The following ACOXL variants were observed in gnomAD, a reference collection of about 807,000 sequenced individuals.
ACOXL encodes the protein acyl-CoA oxidase like.
Under a neutral mutation model 71.9 loss-of-function variants are expected in ACOXL, and 70 were observed. The ratio of observed to expected loss-of-function variants is 0.97; its 90% CI spans 0.80 to 1.19. ACOXL has a LOEUF of 1.19. Among genes scored for constraint, ACOXL ranks in the 50% most tolerant of loss-of-function variants. ACOXL has a pLI of 0.00. For missense variants in ACOXL, 703 were observed against 736.3 expected, an observed-to-expected ratio of 0.95 and a Z score of 0.52; for synonymous variants, 253 against 281.6, an observed-to-expected ratio of 0.90 and a Z score of 1.02.
intron 10 of ACOXL, among the ~76,000 whole-genome samples, chr2:110,893,641 T>C (rs1202706268): frequency 6.6e-6 from 1 of 152,188 alleles, no homozygotes; most frequent in Non-Finnish European, 1.5e-5. Flanking sequence ...AAATTATGCC[T>C]TCAAGTATAG....
chr2:110,850,496 A>G (rs1692472995), intron 10 of ACOXL, among the ~76,000 whole-genome samples: 1 of 152,246 alleles, frequency 6.6e-6, no homozygotes, highest in Non-Finnish European at 1.5e-5. Context: ...GATGGCAAAT[A>G]AGACCATGAA....
chr2:111,057,569 A>G (rs1021345112), intron 16 of ACOXL, among the ~76,000 whole-genome samples: 1 of 152,048 alleles, frequency 6.6e-6, no homozygotes, highest in African/African-American at 2.4e-5. Context: ...CCAGGAGTAG[A>G]GAGGGAGAGG....
intron 10 of ACOXL, among the ~76,000 whole-genome samples, chr2:110,859,056 A>C (rs538062258): frequency 2.6e-4 from 39 of 152,366 alleles, no homozygotes; most frequent in African/African-American, 9.4e-4. Context: ...AAGTTGAATC[A>C]GTTATAGCTC....
At chr2:110,832,140 C>T (rs1180910513) in intron 9 of ACOXL, among the ~76,000 whole-genome samples, 2 of 152,124 alleles carry the variant, frequency 1.3e-5, no homozygotes, top group Non-Finnish European at 2.9e-5. Context: ...TGGACTTACC[C>T]TGGGTGACAG....
chr2:110,840,249 T>C (rs755235225), intron 9 of ACOXL, among the ~76,000 whole-genome samples: 4 of 152,192 alleles, frequency 2.6e-5, no homozygotes, highest in Non-Finnish European at 4.4e-5. Flanking sequence ...GAAACTTACA[T>C]AGGCATGTTT....
intron 9 of ACOXL, among the ~76,000 whole-genome samples, chr2:110,825,810 G>T (rs1689099509): frequency 6.6e-6 from 1 of 152,140 alleles, no homozygotes; most frequent in Non-Finnish European, 1.5e-5. Flanking sequence ...CCACAGTGGA[G>T]ATTTTTCTTG....
chr2:111,044,522 C>T (rs1356378466), intron 15 of ACOXL, among the ~76,000 whole-genome samples: 1 of 152,202 alleles, frequency 6.6e-6, no homozygotes, highest in East Asian at 1.9e-4. Flanking sequence ...AAAGAACATT[C>T]TGAGACGGGA....
chr2:110,830,779 C>A (rs545155399), intron 9 of ACOXL, among the ~76,000 whole-genome samples: 1 of 152,092 alleles, frequency 6.6e-6, no homozygotes, highest in African/African-American at 2.4e-5. Context: ...GTGATCCCCC[C>A]ACCTCGGCCT....
At chr2:110,832,615 A>G (rs754967052) in intron 9 of ACOXL, among the ~76,000 whole-genome samples, 2 of 152,166 alleles carry the variant, frequency 1.3e-5, no homozygotes, top group South Asian at 4.1e-4. Flanking sequence ...CCCTCTGTGA[A>G]TACCTTGTTA....
At chr2:110,952,185 GTTC>G (rs2061354295) in intron 12 of ACOXL, among the ~76,000 whole-genome samples, 1 of 152,048 alleles carries the variant, frequency 6.6e-6, no homozygotes, top group African/African-American at 2.4e-5. Context: ...CAGGTTTTCT[GTTC>G]TTGAGTCTGT....
intron 12 of ACOXL, among the ~76,000 whole-genome samples, chr2:110,935,616 T>G (rs1257963148): frequency 6.6e-6 from 1 of 152,226 alleles, no homozygotes; most frequent in African/African-American, 2.4e-5. Flanking sequence ...CCAGGCACGC[T>G]GCCTCACAGA....
chr2:110,942,253 C>G (rs1263121802), intron 12 of ACOXL, among the ~76,000 whole-genome samples: 1 of 152,014 alleles, frequency 6.6e-6, no homozygotes, highest in African/African-American at 2.4e-5. Context: ...ATATAAATAT[C>G]CCAATTCAAA....
At chr2:111,084,509 A>G (rs1424613179) in intron 16 of ACOXL, among the ~76,000 whole-genome samples, 1 of 152,210 alleles carries the variant, frequency 6.6e-6, no homozygotes, top group Admixed American at 6.5e-5. Flanking sequence ...GTATTAATAC[A>G]TGGCAAAAAG....
intron 9 of ACOXL, among the ~76,000 whole-genome samples, chr2:110,829,050 A>G (rs1318026345): frequency 6.6e-6 from 1 of 152,174 alleles, no homozygotes; most frequent in African/African-American, 2.4e-5. Flanking sequence ...ACCTCAGGTG[A>G]TCTGCCTGCA....
intron 7 of ACOXL, among the ~76,000 whole-genome samples, chr2:110,799,371 G>C (rs1407022463): frequency 6.6e-6 from 1 of 152,168 alleles, no homozygotes; most frequent in African/African-American, 2.4e-5. Flanking sequence ...CCACAATCCT[G>C]TTTTGTCTTC....
intron 10 of ACOXL, among the ~76,000 whole-genome samples, chr2:110,892,394 C>G (rs189054791): frequency 6.6e-6 from 1 of 152,272 alleles, no homozygotes; most frequent in Non-Finnish European, 1.5e-5. Context: ...GGTCTGTTGG[C>G]TGGCTCCAGC....
Position 110,933,535 on chromosome 2 carries a change from C to G in ACOXL, c.952C>G (p.Leu318Val). ...TGAGGATGTCTTCCAGGGAAAGGAG[C>G]TGGTCAACAGTCGCTCGCTGCAGGC... Reference protein sequence around the residue: ...LDEDVFQGKELVNSRSLQALV... With the variant: ...LDEDVFQGKEVVNSRSLQALV... Residue 318 changes from leucine to valine, a missense_variant, in exon 12 of 18, where the codon CTG (leucine) becomes GTG (valine). Physicochemically the swap from Leu to Val is conservative, Grantham distance 32. Transcript: ENST00000439055. 1 of 1,614,204 alleles carries G rather than the reference C, an allele frequency of 6.2e-7. No individual in the cohort carries two copies. Among genetic ancestry groups the G allele is most frequent in the Non-Finnish European group, 8.5e-7 (1 of 1,180,014 alleles).
chr2:111,078,210 C>T (rs963310645), intron 16 of ACOXL, among the ~76,000 whole-genome samples: 1 of 152,108 alleles, frequency 6.6e-6, no homozygotes, highest in African/African-American at 2.4e-5. Context: ...TTCTTTTAAT[C>T]AGGTTACTTT....
intron 13 of ACOXL, among the ~76,000 whole-genome samples, chr2:110,992,089 C>G (rs548754287): frequency 6.6e-6 from 1 of 152,212 alleles, no homozygotes; most frequent in Non-Finnish European, 1.5e-5. Flanking sequence ...ACGACACGCT[C>G]TCACCCATAT....
Sources: allele counts gnomAD v4.1 joint callset (sites outside exome capture counted in the v4.1 genomes callset), GRCh38; gene constraint gnomAD v4.1.1; transcripts MANE v1.5; gene names NCBI Gene and HGNC (gene_info 2026-07-23, HGNC 2026-07-21).